Variants in RTN1 observed in about 807,000 individuals in gnomAD.
RTN1 encodes the protein reticulon-1.
Under a neutral mutation model 65.5 loss-of-function variants are expected in RTN1, and 25 were observed. The observed-to-expected ratio is 0.38, with a 90% confidence interval of 0.28 to 0.53. The LOEUF is 0.53. Among genes scored for constraint, RTN1 ranks in the 20% least tolerant of loss-of-function variants. The pLI is 0.79. For missense variants in RTN1, 983 were observed against 1,025.4 expected (o/e 0.96, Z 0.57); for synonymous variants, 471 against 447.6 (o/e 1.05, Z -0.66).
intron 3 of RTN1, among the ~76,000 whole-genome samples, chr14:59,680,252 C>T (rs1446309197): frequency 6.6e-6 from 1 of 152,064 alleles, no homozygotes; most frequent in Non-Finnish European, 1.5e-5. Flanking sequence ...ACAATTGTTG[C>T]TTAATAGTAC....
At chr14:59,800,827 T>C (rs1001273673) in intron 1 of RTN1, among the ~76,000 whole-genome samples, 1 of 151,732 alleles carries the variant, frequency 6.6e-6, no homozygotes, top group Non-Finnish European at 1.5e-5. Context: ...ATAACTACGA[T>C]TAATATAATA....
chr14:59,718,738 C>T (rs140510870), intron 3 of RTN1, among the ~76,000 whole-genome samples: 283 of 152,260 alleles, frequency 1.9e-3, no homozygotes, highest in African/African-American at 6.3e-3. Context: ...CACAAAAAAA[C>T]GAGTTCAATG....
rs34532344 is a variant in RTN1, at chr14:59,777,822, C to CA, written c.242-31342dup. On this transcript the variant is annotated intron_variant, in intron 1 of 8. Coordinates refer to ENST00000267484, the MANE Select transcript of RTN1 (RefSeq NM_021136.3). ...AAAACAACAACAACAACAACAACAA[C>CA]AAAAAAAAAAAACAAAACAACAAAA... is the stretch of plus-strand genomic sequence containing the variant. 3.7e-3 allele frequency among the ~76,000 whole-genome samples: 541 copies of CA among 147,330 alleles called. 2 individuals carry two copies. The highest frequency in any genetic ancestry group is 5.1e-3 in the Non-Finnish European group (337 of 66,514).
At chr14:59,646,248 A>T (rs972931371) in intron 3 of RTN1, among the ~76,000 whole-genome samples, 1 of 152,244 alleles carries the variant, frequency 6.6e-6, no homozygotes, top group Non-Finnish European at 1.5e-5. Flanking sequence ...CACGACAGTC[A>T]TATACAGATA....
At position 59,737,539 on chromosome 14, in the gene RTN1, C is replaced by T. The variant is rs1305591468; in HGVS notation, c.1015+8169G>A. Among the ~76,000 whole-genome samples, 3 of 152,260 alleles carry T rather than the reference C, an allele frequency of 2.0e-5. No homozygotes were observed. The East Asian group carries it at 5.8e-4, about 29-fold the overall frequency. ...GACACAAAGAAATGGAAAAACATTC[C>T]ATGCTCATGGATATGAAGAATCAAT... On this transcript the variant is annotated intron_variant, in intron 2 of 8. Coordinates refer to ENST00000267484, the MANE Select transcript of RTN1 (RefSeq NM_021136.3).
rs1361695691 is a variant in RTN1, at chr14:59,790,922, C to G, written c.242-44441G>C. Among the ~76,000 whole-genome samples the G allele has an allele frequency of 6.6e-6, 1 of 151,990 alleles. No homozygotes were observed. ...TCATTATTTCAGGTTTTCTTCATGC[C>G]TATCTTCTCCTATCTATTTCTAATT... On this transcript the variant is annotated intron_variant, in intron 1 of 8. Coordinates refer to ENST00000267484, the MANE Select transcript of RTN1 (RefSeq NM_021136.3). This position sits in a 1 kb window ranked among gnomAD's most constrained non-coding sequence, Gnocchi z 4.1.
At position 59,870,191 on chromosome 14, in the gene RTN1, T is replaced by G. The variant is rs533878225; in HGVS notation, c.241+199A>C. 1.3e-3 allele frequency among the ~76,000 whole-genome samples: 204 copies of G among 152,346 alleles called. No homozygotes were observed. The highest frequency in any genetic ancestry group is 3.4e-3 in the Middle Eastern group (1 of 294). On this transcript the variant is annotated intron_variant, in intron 1 of 8. Coordinates refer to ENST00000267484, the MANE Select transcript of RTN1 (RefSeq NM_021136.3). The surrounding 1 kb of genome is among the most constrained non-coding windows in gnomAD (Gnocchi z 5.1). ...AAGGATCAAAAGCATCTTGACTTTT[T>G]CTGAGCCTTTGGGAAAAATAAAATT...
chr14:59,751,482 G>C (rs551492465), intron 1 of RTN1, among the ~76,000 whole-genome samples: 6 of 152,192 alleles, frequency 3.9e-5, no homozygotes, highest in Non-Finnish European at 5.9e-5. Flanking sequence ...TGGATCCTAG[G>C]ATTCTCTACC....
At chr14:59,666,185 T>C in intron 3 of RTN1, among the ~76,000 whole-genome samples, 1 of 152,128 alleles carries the variant, frequency 6.6e-6, no homozygotes, top group South Asian at 2.1e-4. Flanking sequence ...GACCACATAA[T>C]TGGAAGTAAT....
At chr14:59,756,470 A>G (rs1594727103) in intron 1 of RTN1, among the ~76,000 whole-genome samples, 1 of 152,178 alleles carries the variant, frequency 6.6e-6, no homozygotes, top group Admixed American at 6.5e-5. Flanking sequence ...ACTAATAGTT[A>G]TTCAACCACC....
At chr14:59,777,907 G>A (rs1886084813) in intron 1 of RTN1, among the ~76,000 whole-genome samples, 1 of 151,594 alleles carries the variant, frequency 6.6e-6, no homozygotes, top group South Asian at 2.1e-4. Flanking sequence ...CCTGTGCCAA[G>A]TCAGGGTGGC....
At chr14:59,732,071 G>A (rs1884908898) in intron 2 of RTN1, among the ~76,000 whole-genome samples, 1 of 152,228 alleles carries the variant, frequency 6.6e-6, no homozygotes, top group Non-Finnish European at 1.5e-5. Context: ...CACTTGAATT[G>A]ATCTTGGAAC....
intron 1 of RTN1, among the ~76,000 whole-genome samples, chr14:59,827,201 C>A (rs1697003807): frequency 6.6e-6 from 1 of 152,116 alleles, no homozygotes; most frequent in African/African-American, 2.4e-5. Flanking sequence ...GCCTCAACCT[C>A]CCGAGTAGCT....
intron 2 of RTN1, among the ~76,000 whole-genome samples, chr14:59,734,001 C>T (rs1360125843): frequency 6.6e-6 from 1 of 152,106 alleles, no homozygotes; most frequent in South Asian, 2.1e-4. Context: ...AAGGTCAGCA[C>T]TCCCCTGGGA....
At chr14:59,667,808 C>T (rs914955914) in intron 3 of RTN1, among the ~76,000 whole-genome samples, 1 of 152,086 alleles carries the variant, frequency 6.6e-6, no homozygotes, top group African/African-American at 2.4e-5. Flanking sequence ...CATTCCTCTA[C>T]ACCATTAGCA....
intron 1 of RTN1, among the ~76,000 whole-genome samples, chr14:59,764,728 A>G (rs1474000470): frequency 1.3e-5 from 2 of 152,196 alleles, no homozygotes; most frequent in East Asian, 3.8e-4. Flanking sequence ...TCAGGAAACA[A>G]CAACAGATAT....
intron 3 of RTN1, among the ~76,000 whole-genome samples, chr14:59,688,438 G>C (rs1181527217): frequency 2.0e-5 from 3 of 152,198 alleles, no homozygotes; most frequent in South Asian, 2.1e-4. Context: ...CAGAGGGCCT[G>C]TAAAGCCTGC....
intron 1 of RTN1, among the ~76,000 whole-genome samples, chr14:59,791,143 A>G (rs1886340494): frequency 6.6e-6 from 1 of 152,156 alleles, no homozygotes; most frequent in Non-Finnish European, 1.5e-5. Flanking sequence ...GTTTTCTTCC[A>G]AAATAAATTC....
intron 1 of RTN1, among the ~76,000 whole-genome samples, chr14:59,751,191 CTTTTT>C (rs34021179): frequency 3.3e-5 from 3 of 90,796 alleles, no homozygotes; most frequent in Non-Finnish European, 6.1e-5. Context: ...CTCATTATAC[CTTTTT>C]TTTTTTTTTT....
Sources: allele counts gnomAD v4.1 joint callset (sites outside exome capture counted in the v4.1 genomes callset), GRCh38; gene constraint gnomAD v4.1.1; non-coding constraint Gnocchi (gnomAD v3.1); transcripts MANE v1.5; gene names NCBI Gene and HGNC (gene_info 2026-07-23, HGNC 2026-07-21).